Variants in ADAMTS9 observed in about 807,000 individuals in gnomAD.
ADAMTS9 encodes ADAM metallopeptidase with thrombospondin type 1 motif 9, also known as A disintegrin and metalloproteinase with thrombospondin motifs 9.
A neutral mutation model predicts 257.1 loss-of-function variants in ADAMTS9; 107 were observed. The ratio of observed to expected loss-of-function variants is 0.42; its 90% CI spans 0.36 to 0.49. ADAMTS9 has a LOEUF of 0.49. Among genes scored for constraint, ADAMTS9 ranks in the 20% least tolerant of loss-of-function variants. The pLI is 0.03. For synonymous variants in ADAMTS9, 982 were observed against 880.9 expected (o/e 1.11, Z -2.03); for missense variants, 2,353 against 2,469.1 (o/e 0.95, Z 1.00).
At chr3:64,590,859 C>T (rs993444138) in intron 28 of ADAMTS9, among the ~76,000 whole-genome samples, 3 of 152,102 alleles carry the variant, frequency 2.0e-5, no homozygotes, top group African/African-American at 7.2e-5. Flanking sequence ...AGGAGAAGCA[C>T]AGTTTCCAAG....
intron 30 of ADAMTS9, 131 bp downstream of exon 30, chr3:64,561,447 A>T: frequency 9.7e-7 from 1 of 1,032,350 alleles, no homozygotes; most frequent in Non-Finnish European, 1.4e-6. Context: ...CTGACAGTGA[A>T]CCTTTTGGGA....
chr3:64,615,267 C>G, intron 21 of ADAMTS9, 54 bp downstream of exon 21: 1 of 1,581,552 alleles, frequency 6.3e-7, no homozygotes, highest in Non-Finnish European at 8.6e-7. Context: ...TAGAGAGCAC[C>G]AGAACTAGAA....
chr3:64,643,361 A>T (rs1700705223), intron 11 of ADAMTS9, among the ~76,000 whole-genome samples: 3 of 151,770 alleles, frequency 2.0e-5, no homozygotes, highest in African/African-American at 7.3e-5. Context: ...CTAATAAAAA[A>T]CTTAAATTAA....
At chr3:64,613,283 C>T in intron 22 of ADAMTS9, 62 bp downstream of exon 22, 1 of 1,570,368 alleles carries the variant, frequency 6.4e-7, no homozygotes, top group Non-Finnish European at 8.7e-7. Context: ...TGCTCCTTTG[C>T]AAGTCCTCTC....
intron 39 of ADAMTS9, among the ~76,000 whole-genome samples, chr3:64,518,043 T>C (rs1190235792): frequency 6.6e-6 from 1 of 152,212 alleles, no homozygotes; most frequent in Non-Finnish European, 1.5e-5. Context: ...GAATGCATGC[T>C]AGGAGATGAG....
intron 27 of ADAMTS9, 135 bp from the exon 28 acceptor site, chr3:64,594,569 G>T: frequency 9.8e-7 from 1 of 1,020,310 alleles, no homozygotes; most frequent in Non-Finnish European, 1.5e-6. Flanking sequence ...GAACCAAGGT[G>T]AATTACCAAT....
chr3:64,659,473 C>CAAAAAAAA (rs60660621), intron 3 of ADAMTS9, among the ~76,000 whole-genome samples: 1 of 90,662 alleles, frequency 1.1e-5, no homozygotes, highest in Non-Finnish European at 2.2e-5. Flanking sequence ...CTGTCTCAAA[C>CAAAAAAAA]AAAAAAAAAA....
rs564703099 is a variant in ADAMTS9, at chr3:64,555,390, A to T, written c.4699-4328T>A. Among the ~76,000 whole-genome samples, 154 of 131,302 alleles carry T rather than the reference A, an allele frequency of 1.2e-3. 1 individual carries two copies. The East Asian group carries it at 0.013, about 11-fold the overall frequency. 86.1% of individuals were successfully genotyped at this position (131,302 alleles called of 152,430 possible). ...AACTTTAAAGTCATTCATTCATTCA[A>T]TCAATCAGTATTTTACAATGAGCCA... On this transcript the variant is annotated intron_variant, in intron 30 of 39. Coordinates refer to ENST00000498707, the MANE Select transcript of ADAMTS9 (RefSeq NM_182920.2).
intron 2 of ADAMTS9, among the ~76,000 whole-genome samples, chr3:64,681,780 C>G (rs1043727163): frequency 2.6e-5 from 4 of 152,096 alleles, no homozygotes; most frequent in African/African-American, 9.7e-5. Flanking sequence ...CTGGCTCAGC[C>G]TCCCAAAGTG....
chr3:64,596,377 T>A (rs959503906), intron 27 of ADAMTS9, among the ~76,000 whole-genome samples: 2 of 152,282 alleles, frequency 1.3e-5, no homozygotes, highest in Middle Eastern at 3.4e-3. Context: ...TAAAAATACA[T>A]CATCTTTCAT....
In ADAMTS9 at chr3:64,610,223, C is replaced by T. The variant is rs73122243; in HGVS notation, c.3354+3122G>A. ...GATTCGGCAATGACTTCCTTGACAT[C>T]ATAAACAAGGGCAACAGAAAATAGA... On this transcript the variant is annotated intron_variant, in intron 22 of 39. Coordinates refer to ENST00000498707, the MANE Select transcript of ADAMTS9 (RefSeq NM_182920.2). 4.3e-3 allele frequency among the ~76,000 whole-genome samples: 651 copies of T among 152,284 alleles called. 5 individuals carry two copies. Among genetic ancestry groups the T allele is most frequent in the South Asian group, 0.019 (90 of 4,822 alleles).
intron 19 of ADAMTS9, among the ~76,000 whole-genome samples, chr3:64,620,016 G>GTT (rs548526900): frequency 2.8e-5 from 4 of 143,498 alleles, no homozygotes; most frequent in Admixed American, 7.0e-5. Context: ...ATGTCTTCCT[G>GTT]TTTTTTTTTT....
At chr3:64,539,806 T>C (rs978983998) in intron 36 of ADAMTS9, among the ~76,000 whole-genome samples, 2 of 152,210 alleles carry the variant, frequency 1.3e-5, no homozygotes, top group East Asian at 1.9e-4. Context: ...AGAACCCCCA[T>C]CTTGAAATTA....
chr3:64,610,064 A>G (rs916869726), intron 22 of ADAMTS9, among the ~76,000 whole-genome samples: 1 of 152,212 alleles, frequency 6.6e-6, no homozygotes, highest in African/African-American at 2.4e-5. Context: ...GGATACCTAC[A>G]TGCAAAACCA....
intron 21 of ADAMTS9, among the ~76,000 whole-genome samples, chr3:64,614,194 A>G (rs1256395922): frequency 6.6e-6 from 1 of 152,206 alleles, no homozygotes; most frequent in Non-Finnish European, 1.5e-5. Flanking sequence ...ATCGCATATT[A>G]TTGCAAAGGT....
At chr3:64,649,866 G>T in intron 9 of ADAMTS9, 88 bp from the exon 10 acceptor site, 1 of 1,423,912 alleles carries the variant, frequency 7.0e-7, no homozygotes, top group Non-Finnish European at 9.5e-7. Context: ...CCCCACCATT[G>T]TAATGGTAGA....
intron 32 of ADAMTS9, among the ~76,000 whole-genome samples, 153 bp downstream of exon 32, chr3:64,546,605 T>C (rs2083202843): frequency 6.6e-6 from 1 of 152,188 alleles, no homozygotes; most frequent in South Asian, 2.1e-4. Context: ...CAGAAAGAAG[T>C]CCCTTTGATC....
intron 22 of ADAMTS9, among the ~76,000 whole-genome samples, chr3:64,607,693 C>G (rs753600645): frequency 6.6e-6 from 1 of 152,180 alleles, no homozygotes; most frequent in Non-Finnish European, 1.5e-5. Flanking sequence ...GGTCCCTCCA[C>G]TGAAGCAACT....
At chr3:64,531,901 T>G (rs555728932) in intron 38 of ADAMTS9, among the ~76,000 whole-genome samples, 68 of 152,324 alleles carry the variant, frequency 4.5e-4, no homozygotes, top group African/African-American at 1.6e-3. Flanking sequence ...TAGACATTTT[T>G]CCACGAGCCG....
Sources: gnomAD v4.1 joint callset for allele counts (sites outside exome capture counted in the v4.1 genomes callset) on GRCh38, gnomAD v4.1.1 for gene constraint, MANE v1.5 for transcripts, NCBI Gene and HGNC (gene_info 2026-07-23, HGNC 2026-07-21) for gene names.